GDAP1L1: variants seen among roughly 807,000 people sequenced by gnomAD.
The protein encoded by GDAP1L1 is ganglioside induced differentiation associated protein 1 like 1, also known as ganglioside-induced differentiation-associated protein 1-like 1.
In GDAP1L1, 21 loss-of-function variants were observed where a neutral mutation model predicts 37.1. That is an observed-to-expected ratio of 0.57 (90% CI 0.40 to 0.81). The LOEUF is 0.81. Among genes scored for constraint, GDAP1L1 ranks in the 40% least tolerant of loss-of-function variants. GDAP1L1 has a pLI of 0.00. For missense variants in GDAP1L1, 362 were observed against 491.6 expected (o/e 0.74, Z 2.49); for synonymous variants, 193 against 209.1 (o/e 0.92, Z 0.67).
In GDAP1L1 at chr20:44,280,662, T is replaced by G. The variant is rs1047946005; in HGVS notation, c.*1362T>G. 1 of 152,254 alleles carries G rather than the reference T, an allele frequency of 6.6e-6. No homozygotes were observed. The highest frequency in any genetic ancestry group is 2.4e-5 in the African/African-American group (1 of 41,452). 9.4% of individuals were successfully genotyped at this position (152,254 alleles called of 1,614,324 possible). A position where few individuals can be genotyped will look rare whatever the true frequency, so the allele number is the denominator to read the frequency against. On this transcript the variant is annotated 3_prime_UTR_variant, in exon 6 of 6. Coordinates refer to ENST00000342560, the MANE Select transcript of GDAP1L1 (RefSeq NM_024034.6). ...CTGTGCAAGGGCCAGGTGTAGTGACTCATATTTATAATCCCAGTGCTTTGG... is the reference window on the plus strand; with the variant it reads ...CTGTGCAAGGGCCAGGTGTAGTGACGCATATTTATAATCCCAGTGCTTTGG...
intron 5 of GDAP1L1, among the ~76,000 whole-genome samples, chr20:44,270,516 A>G (rs537952569): frequency 1.3e-4 from 20 of 152,248 alleles, no homozygotes; most frequent in African/African-American, 4.6e-4. Context: ...TTTTCTGTGG[A>G]TCTGGAGTTC....
rs1215237650 is a variant in GDAP1L1, at chr20:44,280,130, C to T, written c.*830C>T. On this transcript the variant is annotated 3_prime_UTR_variant, in exon 6 of 6. Coordinates refer to ENST00000342560, the MANE Select transcript of GDAP1L1 (RefSeq NM_024034.6). ...ATCTGGAGGTGGACAAACCTAGGTC[C>T]CCCTCCTAGCCTCTGTCCAAGCCAT... is the stretch of plus-strand genomic sequence containing the variant. 2 of 278,408 alleles carry T rather than the reference C, an allele frequency of 7.2e-6. No homozygotes were observed. Among genetic ancestry groups the T allele is most frequent in the Admixed American group, 4.8e-5 (1 of 21,028 alleles). The allele number at this position is 278,408 out of a possible 1,614,324, so 17.2% of individuals were successfully genotyped here.
At chr20:44,269,613 T>C (rs2062491632) in intron 5 of GDAP1L1, among the ~76,000 whole-genome samples, 1 of 151,468 alleles carries the variant, frequency 6.6e-6, no homozygotes, top group Admixed American at 6.6e-5. Flanking sequence ...TACATGAGGG[T>C]TGGGAGTGAG....
chr20:44,270,890 G>GC (rs1288270898), intron 5 of GDAP1L1, among the ~76,000 whole-genome samples: 4 of 152,224 alleles, frequency 2.6e-5, no homozygotes, highest in African/African-American at 7.2e-5. Context: ...ATGAAATACA[G>GC]CTGCTATTCA....
chr20:44,262,503 G>A (rs2073690534), intron 3 of GDAP1L1, among the ~76,000 whole-genome samples: 1 of 151,816 alleles, frequency 6.6e-6, no homozygotes, highest in Non-Finnish European at 1.5e-5. Flanking sequence ...CTAGGGTTGG[G>A]TCTATCGGTT....
In GDAP1L1 at chr20:44,258,338, G is replaced by A. The variant is rs746746938; in HGVS notation, c.374-96G>A. ...GAGCATGGGGGTGCCCAGGGCCTCT[G>A]GGCAGAGACATCTTGGGGCTCAGGG... is the stretch of plus-strand genomic sequence containing the variant. On this transcript the variant is annotated intron_variant, in intron 2 of 5. Coordinates refer to ENST00000342560, the MANE Select transcript of GDAP1L1 (RefSeq NM_024034.6). 8.8e-6 allele frequency: 11 copies of A among 1,244,034 alleles called. No individual in the cohort carries two copies. The South Asian group carries it at 1.4e-4, about 16-fold the overall frequency. 77.1% of individuals were successfully genotyped at this position (1,244,034 alleles called of 1,614,324 possible). A position where few individuals can be genotyped will look rare whatever the true frequency, so the allele number is the denominator to read the frequency against.
chr20:44,270,907 G>A (rs1446943104), intron 5 of GDAP1L1, among the ~76,000 whole-genome samples: 1 of 152,212 alleles, frequency 6.6e-6, no homozygotes, highest in African/African-American at 2.4e-5. Flanking sequence ...TTCAAGGGGA[G>A]GAGAATTGGG....
chr20:44,267,302 C>A (rs1181172426), intron 5 of GDAP1L1, among the ~76,000 whole-genome samples: 2 of 152,160 alleles, frequency 1.3e-5, no homozygotes, highest in African/African-American at 4.8e-5. Flanking sequence ...GCTCTGGGCT[C>A]TTTCCTGTTC....
rs2062619560 is a variant in GDAP1L1 at position 44,279,507 on chromosome 20, AAGAGAGAGAGGAAGCGAG to A, written c.*218_*235del. ...TGACTCAAGGCCACGGCTCTACTAA[AAGAGAGAGAGGAAGCGAG>A]AGAGAGAGAGAAAAAACAAAAAACA... On this transcript the variant is annotated 3_prime_UTR_variant, in exon 6 of 6. Coordinates refer to ENST00000342560, the MANE Select transcript of GDAP1L1 (RefSeq NM_024034.6). 1.4e-6 allele frequency: 1 copy of A among 706,764 alleles called. No homozygotes were observed. Among genetic ancestry groups the A allele is most frequent in the East Asian group, 2.7e-5 (1 of 36,426 alleles). 43.8% of individuals were successfully genotyped at this position (706,764 alleles called of 1,614,324 possible).
In GDAP1L1 at chr20:44,258,475, C is replaced by T; in HGVS notation, c.415C>T (p.His139Tyr). Residue 139 changes from histidine (H) to tyrosine (Y), a missense_variant, in exon 3 of 6, where the codon CAC (histidine) becomes TAC (tyrosine). His to Tyr is a moderately conservative substitution (Grantham distance 83). Around this residue, in one of 2 missense-constraint regions of GDAP1L1, gnomAD observed 277 missense variants for 337.1 expected, o/e 0.82. Transcript: ENST00000342560. ...ALMPEVGSLQ[H>Y]ARVLQYRELL... ...GATGCCCGAGGTGGGCAGCCTGCAG[C>T]ACGCACGGGTGCTGCAGTACCGGGA... 1 of 1,555,806 alleles carries T rather than the reference C, an allele frequency of 6.4e-7. No individual in the cohort carries two copies. Among genetic ancestry groups the T allele is most frequent in the Non-Finnish European group, 8.7e-7 (1 of 1,150,012 alleles).
chr20:44,272,279 G>T (rs2062525765), intron 5 of GDAP1L1, among the ~76,000 whole-genome samples: 1 of 152,194 alleles, frequency 6.6e-6, no homozygotes, highest in Non-Finnish European at 1.5e-5. Flanking sequence ...GCCCTGCATT[G>T]GTCCGCATCA....
chr20:44,280,113 GT>G lies in GDAP1L1; in HGVS notation c.*814del. On this transcript the variant is annotated 3_prime_UTR_variant, in exon 6 of 6. Transcript: ENST00000342560. The stretch of plus-strand genomic sequence containing the variant: ...CCCAAGTGCAGGGGCGGATCTGGAG[GT>G]GGACAAACCTAGGTCCCCCTCCTAG... 1 of 291,982 alleles carries G rather than the reference GT, an allele frequency of 3.4e-6. No individual in the cohort carries two copies. Among genetic ancestry groups the G allele is most frequent in the Admixed American group, 4.6e-5 (1 of 21,708 alleles). 18.1% of individuals were successfully genotyped at this position (291,982 alleles called of 1,614,324 possible).
intron 1 of GDAP1L1, among the ~76,000 whole-genome samples, chr20:44,249,332 G>A (rs2073395926): frequency 6.6e-6 from 1 of 152,122 alleles, no homozygotes; most frequent in Admixed American, 6.5e-5. Flanking sequence ...GCCACCAGGA[G>A]CGGCCGTTAT....
chr20:44,250,577 C>T (rs983207264), intron 1 of GDAP1L1, among the ~76,000 whole-genome samples: 4 of 152,280 alleles, frequency 2.6e-5, no homozygotes, highest in Non-Finnish European at 5.9e-5. Context: ...CTGTCTAAGT[C>T]AGCTTTCTCA....
chr20:44,260,285 CAA>C (rs113753379), intron 3 of GDAP1L1, among the ~76,000 whole-genome samples: 7 of 110,134 alleles, frequency 6.4e-5, no homozygotes, highest in Non-Finnish European at 6.1e-5. Context: ...AAGTGAAGGG[CAA>C]AAAAAAAAAA....
intron 5 of GDAP1L1, among the ~76,000 whole-genome samples, chr20:44,266,503 T>A (rs2073764418): frequency 6.6e-6 from 1 of 151,944 alleles, no homozygotes; most frequent in Non-Finnish European, 1.5e-5. Context: ...TGTTATTCAC[T>A]TATGCATTAG....
chr20:44,276,497 G>A (rs1219979975), intron 5 of GDAP1L1, among the ~76,000 whole-genome samples: 1 of 144,222 alleles, frequency 6.9e-6, no homozygotes, highest in Non-Finnish European at 1.5e-5. Flanking sequence ...CAAGCAGGGA[G>A]GGAGGGAAGA....
chr20:44,278,128 T>A, intron 5 of GDAP1L1, among the ~76,000 whole-genome samples: 1 of 133,082 alleles, frequency 7.5e-6, no homozygotes, highest in South Asian at 2.3e-4. Context: ...CACTCCAGCC[T>A]GGGCAACAGA....
chr20:44,252,302 A>G (rs2073460151), intron 1 of GDAP1L1, among the ~76,000 whole-genome samples: 1 of 152,194 alleles, frequency 6.6e-6, no homozygotes, highest in Admixed American at 6.5e-5. Context: ...ACCTGAGGTC[A>G]GGAGTTTGAG....
Sources: gnomAD v4.1 joint callset for allele counts (sites outside exome capture counted in the v4.1 genomes callset) on GRCh38, gnomAD v4.1.1 for gene constraint, gnomAD v4.1.1 regional missense constraint, MANE v1.5 for transcripts, NCBI Gene and HGNC (gene_info 2026-07-23, HGNC 2026-07-21) for gene names.